The following MYO3A variants were observed in gnomAD, a reference collection of about 807,000 sequenced individuals.
MYO3A encodes myosin-IIIa.
Under a neutral mutation model 192.7 loss-of-function variants are expected in MYO3A, and 180 were observed. That is an observed-to-expected ratio of 0.93 (90% confidence interval 0.83 to 1.06). The LOEUF (loss-of-function observed/expected upper bound fraction) is 1.06. MYO3A is among the 50% of genes least tolerant of loss of function. The pLI, the probability that MYO3A is intolerant of heterozygous loss-of-function variation, is 0.00. For missense variants in MYO3A, 1,896 were observed against 1,905.0 expected (o/e 1.00, Z 0.09); for synonymous variants, 628 against 645.3 (o/e 0.97, Z 0.41).
intron 32 of MYO3A, among the ~76,000 whole-genome samples, chr10:26,200,436 G>T (rs1589120685): frequency 6.6e-6 from 1 of 152,174 alleles, no homozygotes; most frequent in Non-Finnish European, 1.5e-5. Flanking sequence ...TTCAAGGTGA[G>T]TATGGTGTCT....
intron 17 of MYO3A, among the ~76,000 whole-genome samples, chr10:26,103,421 G>T (rs994673812): frequency 2.6e-5 from 4 of 152,146 alleles, no homozygotes; most frequent in African/African-American, 4.8e-5. Flanking sequence ...GATGAACCTG[G>T]TACCTCAGTT....
chr10:26,103,858 T>C (rs1247498766), intron 17 of MYO3A, among the ~76,000 whole-genome samples: 1 of 152,228 alleles, frequency 6.6e-6, no homozygotes, highest in Non-Finnish European at 1.5e-5. Context: ...CACTTATTGT[T>C]ATCTGTCATT....
In MYO3A at chr10:26,212,107, C is replaced by T. The variant is rs965797706; in HGVS notation, c.*144C>T. Reference sequence around the variant, plus strand: ...CAGAGGCTGCCTGCTGCGCTCGGCCCTCAAGTGCCCGGGCCGGCCTTCGTG... The same window carrying T: ...CAGAGGCTGCCTGCTGCGCTCGGCCTTCAAGTGCCCGGGCCGGCCTTCGTG... On this transcript the variant is annotated 3_prime_UTR_variant, in exon 35 of 35. Transcript: ENST00000642920. The T allele has an allele frequency of 5.6e-6, 7 of 1,254,528 alleles. No individual in the cohort carries two copies. In the African/African-American group the frequency reaches 9.1e-5, roughly 16 times the overall value. 77.7% of individuals were successfully genotyped at this position (1,254,528 alleles called of 1,614,324 possible). A position where few individuals can be genotyped will look rare whatever the true frequency, so the allele number is the denominator to read the frequency against.
chr10:25,999,063 A>T (rs1020732638), intron 6 of MYO3A, among the ~76,000 whole-genome samples: 4 of 151,782 alleles, frequency 2.6e-5, no homozygotes, highest in African/African-American at 9.7e-5. Flanking sequence ...ATGCCTGGCT[A>T]ATTTTTTGTA....
intron 18 of MYO3A, 44 bp from the exon 19 acceptor site, chr10:26,125,354 C>A (rs952947181): frequency 1.3e-6 from 2 of 1,580,618 alleles, no homozygotes; most frequent in South Asian, 1.1e-5. Context: ...GGAGTGACCT[C>A]ATTGCCATAA....
rs765119880 is a variant in MYO3A at position 26,024,028 on chromosome 10, AC to A, written c.743del (p.Pro248GlnfsTer3). 5 of 1,612,744 alleles carry A rather than the reference AC, an allele frequency of 3.1e-6. No homozygotes were observed. Among genetic ancestry groups the A allele is most frequent in the East Asian group, 4.5e-5 (2 of 44,824 alleles). On this transcript the variant is annotated frameshift_variant, in exon 9 of 35. Transcript: ENST00000642920. LOFTEE classifies it high-confidence loss of function. ...TTGATTCTTATTTTTCTAGGAATCC[AC>A]CCCCAAAACTAAGGCAGCCTGAGCT... ...RALFKIPRNPPPKLRQPELWS... is the reference protein window; with the variant it reads ...RALFKIPRNPXPKLRQPELWS...
chr10:26,000,305 T>G (rs1840709054), intron 6 of MYO3A, among the ~76,000 whole-genome samples: 1 of 152,246 alleles, frequency 6.6e-6, no homozygotes, highest in Admixed American at 6.5e-5. Context: ...ACTTGTAACT[T>G]GGAAAATACT....
intron 14 of MYO3A, among the ~76,000 whole-genome samples, chr10:26,079,964 C>T (rs1835819378): frequency 6.6e-6 from 1 of 152,124 alleles, no homozygotes; most frequent in Admixed American, 6.5e-5. Context: ...TTTTCTTCAT[C>T]TTAATTTTGG....
At chr10:26,120,527 C>A in intron 17 of MYO3A, 149 bp from the exon 18 acceptor site, 1 of 1,000,600 alleles carries the variant, frequency 1.0e-6, no homozygotes, top group Non-Finnish European at 1.6e-6. Context: ...TGAGGCTGAG[C>A]CTACTTGGAT....
At chr10:25,969,479 T>A (rs1174174800) in intron 4 of MYO3A, among the ~76,000 whole-genome samples, 1 of 152,184 alleles carries the variant, frequency 6.6e-6, no homozygotes, top group Admixed American at 6.5e-5. Context: ...ACAATTAAAG[T>A]GTCTTATATG....
intron 4 of MYO3A, among the ~76,000 whole-genome samples, chr10:25,985,967 AGCAAACT>A (rs1839627525): frequency 6.6e-6 from 1 of 152,298 alleles, no homozygotes; most frequent in Admixed American, 6.5e-5. Flanking sequence ...ACAAAATACT[AGCAAACT>A]GAATCCAACA....
intron 31 of MYO3A, among the ~76,000 whole-genome samples, chr10:26,186,669 C>A (rs748784391): frequency 9.9e-5 from 15 of 152,124 alleles, no homozygotes; most frequent in Non-Finnish European, 1.8e-4. Context: ...CCTTCCCATG[C>A]TTATTTGCTT....
intron 14 of MYO3A, among the ~76,000 whole-genome samples, chr10:26,071,652 A>T (rs1835215411): frequency 6.6e-6 from 1 of 152,218 alleles, no homozygotes; most frequent in African/African-American, 2.4e-5. Context: ...TGTATATGAA[A>T]AAAACTCATA....
chr10:26,118,230 G>A (rs1160227959), intron 17 of MYO3A, among the ~76,000 whole-genome samples: 3 of 151,836 alleles, frequency 2.0e-5, no homozygotes, highest in African/African-American at 4.8e-5. Context: ...GAAAAATACA[G>A]CACAATGTCA....
intron 10 of MYO3A, among the ~76,000 whole-genome samples, chr10:26,045,369 GATA>G (rs1843580028): frequency 7.3e-5 from 1 of 13,790 alleles, no homozygotes; most frequent in African/African-American, 2.6e-4. Flanking sequence ...GGTGGCATTA[GATA>G]GATAGATAGA....
chr10:25,985,104 G>A (rs575090617), intron 4 of MYO3A, among the ~76,000 whole-genome samples: 148 of 152,144 alleles, frequency 9.7e-4, no homozygotes, highest in African/African-American at 3.3e-3. Flanking sequence ...CAGGCATGGC[G>A]GTGTGTGCCT....
At chr10:26,015,996 A>G (rs1841961760) in intron 6 of MYO3A, among the ~76,000 whole-genome samples, 1 of 152,186 alleles carries the variant, frequency 6.6e-6, no homozygotes. Context: ...GTAAAAGCCC[A>G]TGATTTGGGT....
rs1013087086 is a variant in MYO3A, at chr10:26,012,201, C to T, written c.509-4619C>T. 3.9e-5 allele frequency among the ~76,000 whole-genome samples: 6 copies of T among 152,134 alleles called. No homozygotes were observed. The South Asian group carries it at 1.2e-3, about 32-fold the overall frequency. On this transcript the variant is annotated intron_variant, in intron 6 of 34. Transcript: ENST00000642920. The stretch of plus-strand genomic sequence containing the variant: ...CTGAACAGGAACAAGACAAGTAGGC[C>T]CACTTTCACCACCCCTATTCAACAT...
chr10:26,053,867 A>G (rs1407968988), intron 10 of MYO3A, among the ~76,000 whole-genome samples: 1 of 152,038 alleles, frequency 6.6e-6, no homozygotes, highest in African/African-American at 2.4e-5. Flanking sequence ...ACAATATAAG[A>G]GGGACTGGAA....
Sources: gnomAD v4.1 joint callset for allele counts (sites outside exome capture counted in the v4.1 genomes callset) on GRCh38, gnomAD v4.1.1 for gene constraint, MANE v1.5 for transcripts, NCBI Gene and HGNC (gene_info 2026-07-23, HGNC 2026-07-21) for gene names.